The following PLXNA4 variants were observed in gnomAD, a reference collection of about 807,000 sequenced individuals.
PLXNA4 encodes plexin-A4.
Under a neutral mutation model 191.8 loss-of-function variants are expected in PLXNA4, and 44 were observed. The observed-to-expected ratio is 0.23, with a 90% CI of 0.18 to 0.29. The LOEUF (loss-of-function observed/expected upper bound fraction) is 0.29. PLXNA4 is among the 10% of genes least tolerant of loss of function. PLXNA4 has a pLI of 1.00. For synonymous variants in PLXNA4, 1,082 were observed against 1,009.5 expected, an observed-to-expected ratio of 1.07 and a Z score of -1.36; for missense variants, 1,800 against 2,488.8, an observed-to-expected ratio of 0.72 and a Z score of 5.89.
intron 30 of PLXNA4, among the ~76,000 whole-genome samples, chr7:132,140,267 T>C (rs1004565641): frequency 2.6e-5 from 4 of 152,162 alleles, no homozygotes; most frequent in African/African-American, 9.7e-5. Context: ...TGACAGTTTT[T>C]ATTTATTTTT....
intron 21 of PLXNA4, among the ~76,000 whole-genome samples, chr7:132,173,566 T>G (rs1193930125): frequency 1.3e-5 from 2 of 152,152 alleles, no homozygotes; most frequent in African/African-American, 4.8e-5. Context: ...AAGCCTATGC[T>G]TCATGCAACA....
chr7:132,288,455 A>T (rs1000049372), intron 4 of PLXNA4, among the ~76,000 whole-genome samples: 1 of 152,184 alleles, frequency 6.6e-6, no homozygotes, highest in Non-Finnish European at 1.5e-5. Context: ...GACAAATGGG[A>T]AGGCTCCCAC....
intron 24 of PLXNA4, among the ~76,000 whole-genome samples, chr7:132,162,953 C>T (rs1795994177): frequency 6.6e-6 from 1 of 152,124 alleles, no homozygotes; most frequent in Admixed American, 6.6e-5. Flanking sequence ...GAGGGGTTGT[C>T]TGAGAATCAC....
At position 132,189,387 on chromosome 7, in the gene PLXNA4, A is replaced by G. The variant is rs77010489; in HGVS notation, c.2857-1780T>C. 2.0e-3 allele frequency among the ~76,000 whole-genome samples: 297 copies of G among 152,252 alleles called. 5 individuals are homozygous for G. In the East Asian group the frequency reaches 0.051, roughly 26 times the overall value. The stretch of plus-strand genomic sequence containing the variant: ...ACTTGCCACCTCTTCACTTGGCTCC[A>G]TGAATGGAGGTAGAGGGAAGGGGGA... On this transcript the variant is annotated intron_variant, in intron 14 of 31. Transcript: ENST00000321063.
rs559469604 is a variant in PLXNA4, at chr7:132,293,658, A to G, written c.1503+4433T>C. On this transcript the variant is annotated intron_variant, in intron 4 of 31. Transcript: ENST00000321063. ...CAGATCAGAGAAGAGAGAGGCTGGT[A>G]TGTAAGAATGGACAGCATAAAGCAC... 2.0e-5 allele frequency among the ~76,000 whole-genome samples: 3 copies of G among 152,350 alleles called. No individual in the cohort carries two copies. The South Asian group carries it at 6.2e-4, about 32-fold the overall frequency.
intron 2 of PLXNA4, among the ~76,000 whole-genome samples, chr7:132,596,398 C>T (rs545890100): frequency 2.0e-4 from 30 of 152,346 alleles, no homozygotes; most frequent in African/African-American, 7.0e-4. Context: ...GACAGAGCCA[C>T]TGAATGCCTG....
intron 3 of PLXNA4, among the ~76,000 whole-genome samples, chr7:132,306,459 C>T (rs1245298578): frequency 3.3e-5 from 5 of 152,122 alleles, no homozygotes; most frequent in East Asian, 1.9e-4. Flanking sequence ...AGTGACCAGC[C>T]GTATCTCTGG....
At chr7:132,396,943 G>T (rs548093099) in intron 3 of PLXNA4, among the ~76,000 whole-genome samples, 1 of 152,338 alleles carries the variant, frequency 6.6e-6, no homozygotes, top group Non-Finnish European at 1.5e-5. Flanking sequence ...CTCCAGGGGC[G>T]GCCCTGCCCC....
intron 3 of PLXNA4, among the ~76,000 whole-genome samples, chr7:132,355,263 C>A (rs1195502432): frequency 2.0e-5 from 3 of 152,188 alleles, no homozygotes; most frequent in African/African-American, 7.2e-5. Flanking sequence ...TTCCCGTGTC[C>A]CAATTCCTGA....
chr7:132,520,466 G>C (rs532950455), intron 1 of PLXNA4, among the ~76,000 whole-genome samples: 55 of 152,286 alleles, frequency 3.6e-4, no homozygotes, highest in African/African-American at 1.2e-3. Flanking sequence ...CATTGAAACT[G>C]CCCCACCCAC....
chr7:132,527,560 A>G (rs1336998071), intron 1 of PLXNA4, among the ~76,000 whole-genome samples: 2 of 151,528 alleles, frequency 1.3e-5, no homozygotes, highest in Non-Finnish European at 2.9e-5. Flanking sequence ...AAAAAAAAAA[A>G]AAGAATTGGA....
At chr7:132,314,046 C>T (rs1439660090) in intron 3 of PLXNA4, among the ~76,000 whole-genome samples, 1 of 152,176 alleles carries the variant, frequency 6.6e-6, no homozygotes, top group African/African-American at 2.4e-5. Flanking sequence ...AGGCTCCATG[C>T]ATGACCCAAC....
intron 3 of PLXNA4, among the ~76,000 whole-genome samples, chr7:132,459,928 G>A (rs1468459235): frequency 7.0e-5 from 8 of 114,100 alleles, no homozygotes; most frequent in East Asian, 2.5e-4. Context: ...CCCCCACCCC[G>A]CCCCTTCTCT....
intron 13 of PLXNA4, 113 bp downstream of exon 13, chr7:132,198,369 TCTC>T: frequency 9.2e-6 from 13 of 1,419,480 alleles, no homozygotes; most frequent in South Asian, 1.5e-5. Context: ...TTGGGGTGGT[TCTC>T]CTTTTTCCCC....
chr7:132,410,733 C>T (rs1794423963), intron 3 of PLXNA4, among the ~76,000 whole-genome samples: 1 of 152,216 alleles, frequency 6.6e-6, no homozygotes, highest in African/African-American at 2.4e-5. Flanking sequence ...GTGGGGAAGA[C>T]TGCTATCGTT....
intron 1 of PLXNA4, among the ~76,000 whole-genome samples, chr7:132,526,650 G>T (rs1370063554): frequency 6.6e-6 from 1 of 152,168 alleles, no homozygotes; most frequent in South Asian, 2.1e-4. Flanking sequence ...TTTATTTGGG[G>T]ATAATGACTC....
At chr7:132,481,717 T>C (rs564794931) in intron 3 of PLXNA4, among the ~76,000 whole-genome samples, 2 of 152,330 alleles carry the variant, frequency 1.3e-5, no homozygotes, top group Non-Finnish European at 2.9e-5. Context: ...AGGCAGAAGA[T>C]ATGGATTCTC....
chr7:132,463,094 C>A (rs1336380823), intron 3 of PLXNA4, among the ~76,000 whole-genome samples: 2 of 152,094 alleles, frequency 1.3e-5, no homozygotes, highest in Non-Finnish European at 2.9e-5. Context: ...AAGTGATCCA[C>A]CCCCCTTCAG....
chr7:132,371,981 A>C (rs1364821985), intron 3 of PLXNA4, among the ~76,000 whole-genome samples: 1 of 152,202 alleles, frequency 6.6e-6, no homozygotes, highest in East Asian at 1.9e-4. Flanking sequence ...TATCTGTGCC[A>C]CTACTCTGAT....
Sources: gnomAD v4.1 joint callset for allele counts (sites outside exome capture counted in the v4.1 genomes callset) on GRCh38, gnomAD v4.1.1 for gene constraint, MANE v1.5 for transcripts, NCBI Gene and HGNC (gene_info 2026-07-23, HGNC 2026-07-21) for gene names.